Variants in PGM2L1 observed in about 807,000 individuals in gnomAD.
PGM2L1 encodes the protein glucose 1,6-bisphosphate synthase.
In PGM2L1, 35 loss-of-function variants were observed where a neutral mutation model predicts 73.4. The ratio of observed to expected loss-of-function variants is 0.48; its 90% CI spans 0.36 to 0.63. The LOEUF (loss-of-function observed/expected upper bound fraction) is 0.63. Among genes scored for constraint, PGM2L1 ranks in the 30% least tolerant of loss-of-function variants. PGM2L1 has a pLI of 0.00. For synonymous variants in PGM2L1, 225 were observed against 253.8 expected (o/e 0.89, Z 1.08); for missense variants, 570 against 742.0 (o/e 0.77, Z 2.69).
chr11:74,351,509 T>C lies in PGM2L1; in HGVS notation c.623A>G (p.Glu208Gly). Residue 208 changes from glutamate (E) to glycine (G), a missense_variant, in exon 6 of 14, where the codon GAA (glutamate) becomes GGA (glycine). Transcript: ENST00000298198. Reference sequence around the variant, plus strand: ...GGAACCATTCCAGGGTTCCACACATTCTTCTATACATTTTAGAATTTCTTT... The same window carrying C: ...GGAACCATTCCAGGGTTCCACACATCCTTCTATACATTTTAGAATTTCTTT... Reference protein sequence around the residue: ...HDKEILKCIEECVEPWNGSWN... With the variant: ...HDKEILKCIEGCVEPWNGSWN... 6.2e-7 allele frequency: 1 copy of C among 1,613,696 alleles called. No individual in the cohort carries two copies. Among genetic ancestry groups the C allele is most frequent in the Non-Finnish European group, 8.5e-7 (1 of 1,179,794 alleles).
In PGM2L1 at chr11:74,336,570, G is replaced by A; in HGVS notation, c.*82C>T. 5 of 816,802 alleles carry A rather than the reference G, an allele frequency of 6.1e-6. No homozygotes were observed. The highest frequency in any genetic ancestry group is 9.3e-6 in the Non-Finnish European group (5 of 539,614). The allele number at this position is 816,802 out of a possible 1,614,324, so 50.6% of individuals were successfully genotyped here. The stretch of plus-strand genomic sequence containing the variant: ...CGGCCAGATGAGATAGAGAGAGAAT[G>A]CTAACACAAGGTTCAATGTATGCAG... On this transcript the variant is annotated 3_prime_UTR_variant, in exon 14 of 14. Transcript: ENST00000298198.
rs368507241 is a variant in PGM2L1 at position 74,389,141 on chromosome 11, T to C, written c.111+8910A>G. Reference sequence around the variant, plus strand: ...GTAACCAGGTGTGATGGCTTGTGCCTGTAGTCCCAGCCACTCCGGAAACTG... The same window carrying C: ...GTAACCAGGTGTGATGGCTTGTGCCCGTAGTCCCAGCCACTCCGGAAACTG... On this transcript the variant is annotated intron_variant, in intron 1 of 13. Transcript: ENST00000298198. Among the ~76,000 whole-genome samples, 43 of 152,284 alleles carry C rather than the reference T, an allele frequency of 2.8e-4. No individual in the cohort carries two copies. The East Asian group carries it at 8.1e-3, about 29-fold the overall frequency.
chr11:74,387,377 T>G (rs549236073), intron 1 of PGM2L1, among the ~76,000 whole-genome samples: 1 of 152,320 alleles, frequency 6.6e-6, no homozygotes, highest in East Asian at 1.9e-4. Flanking sequence ...TGGAAATAAC[T>G]ACCTCAAACA....
In PGM2L1 at chr11:74,336,757, G is replaced by A. The variant is rs200256315; in HGVS notation, c.1767-3C>T. ...CTTCCTCCAGTAAAGCAGTGTCACT[G>A]AGGAAAAGATGAAGAGTTTTGGAAT... On this transcript the variant is annotated splice_region_variant and splice_polypyrimidine_tract_variant and intron_variant, in intron 13 of 13. Coordinates refer to ENST00000298198, the MANE Select transcript of PGM2L1 (RefSeq NM_173582.6). 6.3e-7 allele frequency: 1 copy of A among 1,577,276 alleles called. No homozygotes were observed. The highest frequency in any genetic ancestry group is 1.1e-5 in the South Asian group (1 of 87,892).
At chr11:74,346,882 T>C in intron 7 of PGM2L1, 53 bp from the exon 8 acceptor site, 1 of 1,361,404 alleles carries the variant, frequency 7.3e-7, no homozygotes, top group Non-Finnish European at 1.1e-6. Context: ...AAGTTCAATG[T>C]TAACGTTCCT....
Position 74,336,143 on chromosome 11 carries a change from C to CT in PGM2L1, c.*508dup, listed in dbSNP as rs1339268716. 9 of 152,230 alleles carry CT rather than the reference C, an allele frequency of 5.9e-5. No individual in the cohort carries two copies. The highest frequency in any genetic ancestry group is 1.9e-4 in the African/African-American group (8 of 41,438). The allele number at this position is 152,230 out of a possible 1,614,324, so 9.4% of individuals were successfully genotyped here. On this transcript the variant is annotated 3_prime_UTR_variant, in exon 14 of 14. Coordinates refer to ENST00000298198, the MANE Select transcript of PGM2L1 (RefSeq NM_173582.6). ...TGCTAAATATCCTATTTCAAATACT[C>CT]TAATTTGTAAATTAATACCTGTGAT...
At chr11:74,377,082 A>G (rs1862865533) in intron 1 of PGM2L1, among the ~76,000 whole-genome samples, 1 of 151,982 alleles carries the variant, frequency 6.6e-6, no homozygotes, top group Non-Finnish European at 1.5e-5. Flanking sequence ...GATTTTATAA[A>G]CTATAATATA....
rs559701471 is a variant in PGM2L1, at chr11:74,388,923, A to G, written c.111+9128T>C. 8.5e-5 allele frequency among the ~76,000 whole-genome samples: 13 copies of G among 152,372 alleles called. No homozygotes were observed. The East Asian group carries it at 2.5e-3, about 29-fold the overall frequency. On this transcript the variant is annotated intron_variant, in intron 1 of 13. Coordinates refer to ENST00000298198, the MANE Select transcript of PGM2L1 (RefSeq NM_173582.6). ...TGACTAATGAAAACAATACTCCTTC[A>G]GTAAAATCTGCACTAAATTACTAAT...
intron 6 of PGM2L1, 70 bp downstream of exon 6, chr11:74,351,313 T>C: frequency 7.2e-7 from 1 of 1,392,548 alleles, no homozygotes; most frequent in East Asian, 2.3e-5. Context: ...ACACTTTTTA[T>C]CACTTTTTAT....
rs1174481993 is a variant in PGM2L1, at chr11:74,334,904, TCTC to T, written c.*1745_*1747del. ...CACAGCATTTCTTTTTCTCTCTCTCTCTCTTTTTTTTTTTTTTTTTGAGATAAG... is the reference window on the plus strand; with the variant it reads ...CACAGCATTTCTTTTTCTCTCTCTCTTTTTTTTTTTTTTTTTTGAGATAAG... On this transcript the variant is annotated 3_prime_UTR_variant, in exon 14 of 14. Transcript: ENST00000298198. 2 of 140,722 alleles carry T rather than the reference TCTC, an allele frequency of 1.4e-5. No individual in the cohort carries two copies. Among genetic ancestry groups the T allele is most frequent in the Non-Finnish European group, 3.0e-5 (2 of 66,404 alleles). The allele number at this position is 140,722 out of a possible 1,614,324, so 8.7% of individuals were successfully genotyped here. A position where few individuals can be genotyped will look rare whatever the true frequency, so the allele number is the denominator to read the frequency against.
chr11:74,392,653 T>G (rs905399291), intron 1 of PGM2L1, among the ~76,000 whole-genome samples: 1 of 152,102 alleles, frequency 6.6e-6, no homozygotes, highest in Admixed American at 6.5e-5. Flanking sequence ...GCCATTCTCC[T>G]GCCTCAGCCT....
chr11:74,364,272 A>G (rs2134918846), intron 5 of PGM2L1, among the ~76,000 whole-genome samples: 1 of 152,350 alleles, frequency 6.6e-6, no homozygotes, highest in East Asian at 1.9e-4. Flanking sequence ...TGAATGGGCA[A>G]AACCTGGAAG....
chr11:74,376,623 A>G (rs935025748), intron 1 of PGM2L1, among the ~76,000 whole-genome samples: 1 of 151,902 alleles, frequency 6.6e-6, no homozygotes, highest in African/African-American at 2.4e-5. Context: ...ATGTATACAC[A>G]CACACATATA....
At chr11:74,366,677 G>C (rs1258081953) in intron 5 of PGM2L1, among the ~76,000 whole-genome samples, 1 of 151,978 alleles carries the variant, frequency 6.6e-6, no homozygotes, top group African/African-American at 2.4e-5. Context: ...AAGTCTCAGA[G>C]GTGGGAAAGG....
At chr11:74,346,342 C>T (rs1299048325) in intron 8 of PGM2L1, among the ~76,000 whole-genome samples, 5 of 145,888 alleles carry the variant, frequency 3.4e-5, no homozygotes, top group Non-Finnish European at 7.5e-5. Flanking sequence ...CATCATAAAG[C>T]GATCTGTTGG....
At chr11:74,371,889 T>A (rs1862765310) in intron 2 of PGM2L1, 72 bp from the exon 3 acceptor site, 1 of 1,328,710 alleles carries the variant, frequency 7.5e-7, no homozygotes, top group African/African-American at 1.4e-5. Context: ...ATCTCTTATT[T>A]TTATGTTTGC....
At chr11:74,397,136 T>G (rs904667721) in intron 1 of PGM2L1, among the ~76,000 whole-genome samples, 17 of 152,366 alleles carry the variant, frequency 1.1e-4, no homozygotes, top group South Asian at 1.0e-3. Flanking sequence ...ACAAATTCCT[T>G]AATTCAGTGT....
chr11:74,361,936 A>G (rs1253916511), intron 5 of PGM2L1, among the ~76,000 whole-genome samples: 1 of 152,202 alleles, frequency 6.6e-6, no homozygotes, highest in African/African-American at 2.4e-5. Flanking sequence ...TATACCTGAA[A>G]GTGACAGGGA....
intron 12 of PGM2L1, among the ~76,000 whole-genome samples, chr11:74,341,697 A>G (rs1862185176): frequency 4.7e-5 from 3 of 63,700 alleles, no homozygotes; most frequent in Non-Finnish European, 1.0e-4. Context: ...GTCTCAAGGA[A>G]AAAAAAAAAA....
Sources: gnomAD v4.1 joint callset for allele counts (sites outside exome capture counted in the v4.1 genomes callset) on GRCh38, gnomAD v4.1.1 for gene constraint, MANE v1.5 for transcripts, NCBI Gene and HGNC (gene_info 2026-07-23, HGNC 2026-07-21) for gene names.